Variants in ZNF112 observed in about 807,000 individuals in gnomAD.
ZNF112 encodes the protein zinc finger protein 112.
A neutral mutation model predicts 77.7 loss-of-function variants in ZNF112; 37 were observed. The ratio of observed to expected loss-of-function variants is 0.48; its 90% CI spans 0.37 to 0.63. The LOEUF is 0.63. ZNF112 is among the 20% of genes least tolerant of loss of function. ZNF112 has a pLI of 0.00. For missense variants in ZNF112, 950 were observed against 1,077.4 expected, an observed-to-expected ratio of 0.88 and a Z score of 1.66; for synonymous variants, 333 against 363.6, an observed-to-expected ratio of 0.92 and a Z score of 0.96.
upstream of ZNF112, among the ~76,000 whole-genome samples, chr19:44,358,156 G>GAAAAAA (rs59023124): frequency 2.3e-5 from 3 of 130,392 alleles, no homozygotes; most frequent in Non-Finnish European, 3.2e-5. Flanking sequence ...CGTCTCAAAA[G>GAAAAAA]AAAAAAAAAA....
intron 1 of ZNF112, among the ~76,000 whole-genome samples, chr19:44,345,369 C>T (rs982782778): frequency 5.9e-5 from 9 of 152,178 alleles, no homozygotes; most frequent in East Asian, 1.9e-4. Flanking sequence ...CCCAGATCCC[C>T]ATTTCTCTCT....
chr19:44,349,140 T>G (rs899202108), intron 1 of ZNF112, among the ~76,000 whole-genome samples: 1 of 152,156 alleles, frequency 6.6e-6, no homozygotes, highest in Non-Finnish European at 1.5e-5. Context: ...TGGCTGCTTT[T>G]GCATTACAGC....
intron 1 of ZNF112, among the ~76,000 whole-genome samples, chr19:44,366,791 G>A (rs559736108): frequency 6.5e-4 from 98 of 151,428 alleles, no homozygotes; most frequent in South Asian, 2.1e-4. Context: ...GGGGCTTCTC[G>A]GGAAATTAAA....
chr19:44,329,550 T>TC lies in ZNF112; in HGVS notation c.606_607insG (p.Lys203GlufsTer3). ...GAGAGCCAACTGACACTGTCACACT[T>TC]ACAGAAATGATTTTTCATGGAAATT... is the stretch of plus-strand genomic sequence containing the variant. On this transcript the variant is annotated frameshift_variant, in exon 4 of 4. Coordinates refer to ENST00000354340, the MANE Select transcript of ZNF112 (RefSeq NM_013380.4). LOFTEE classifies it high-confidence loss of function. The TC allele has an allele frequency of 6.2e-7, 1 of 1,614,110 alleles. No homozygotes were observed. The highest frequency in any genetic ancestry group is 8.5e-7 in the Non-Finnish European group (1 of 1,179,996).
intron 2 of ZNF112, among the ~76,000 whole-genome samples, chr19:44,338,125 C>A (rs73555177): frequency 0.068 from 10,340 of 151,908 alleles, 449 homozygotes; most frequent in African/African-American, 0.12. Context: ...CTTAAAGAGG[C>A]CAAACTTGGG....
intron 2 of ZNF112, among the ~76,000 whole-genome samples, chr19:44,339,998 G>A (rs1025405351): frequency 1.3e-5 from 2 of 152,132 alleles, no homozygotes; most frequent in African/African-American, 2.4e-5. Context: ...AGGGTAAAAT[G>A]TTATTAGAGG....
upstream of ZNF112, among the ~76,000 whole-genome samples, chr19:44,358,131 A>G (rs568229869): frequency 1.7e-4 from 24 of 141,286 alleles, no homozygotes; most frequent in Middle Eastern, 3.6e-3. Context: ...CAGCCTGGGC[A>G]ACAGAGCGAG....
chr19:44,362,557 T>C (rs757580838), intron 1 of ZNF112, among the ~76,000 whole-genome samples: 8 of 151,836 alleles, frequency 5.3e-5, no homozygotes, highest in Non-Finnish European at 1.0e-4. Flanking sequence ...TGTGAATCAC[T>C]TCTAAATTCT....
At chr19:44,355,242 T>C (rs1970765536) in intron 1 of ZNF112, among the ~76,000 whole-genome samples, 1 of 152,176 alleles carries the variant, frequency 6.6e-6, no homozygotes, top group Admixed American at 6.5e-5. Flanking sequence ...TGGTTAAACA[T>C]GGGTGAAAAT....
At position 44,327,395 on chromosome 19, in the gene ZNF112, T is replaced by G. The variant is rs1970143257; in HGVS notation, c.*38A>C. On this transcript the variant is annotated 3_prime_UTR_variant, in exon 4 of 4. Coordinates refer to ENST00000354340, the MANE Select transcript of ZNF112 (RefSeq NM_013380.4). ...AAAATTCTTTTTCTACTGAAAGAAC[T>G]CTAGTGACTGGAAAATTTCAGCTCC... 6.6e-7 allele frequency: 1 copy of G among 1,508,284 alleles called. No individual in the cohort carries two copies. Among genetic ancestry groups the G allele is most frequent in the Non-Finnish European group, 8.9e-7 (1 of 1,122,216 alleles). The allele number at this position is 1,508,284 out of a possible 1,614,324, so 93.4% of individuals were successfully genotyped here.
At chr19:44,345,649 C>T (rs1267418459) in intron 1 of ZNF112, among the ~76,000 whole-genome samples, 1 of 152,170 alleles carries the variant, frequency 6.6e-6, no homozygotes, top group African/African-American at 2.4e-5. Flanking sequence ...GATTATGTTC[C>T]TTTCTTGGTT....
intron 1 of ZNF112, among the ~76,000 whole-genome samples, chr19:44,362,167 T>A (rs1190177545): frequency 4.0e-5 from 6 of 151,686 alleles, no homozygotes. Context: ...TAAGAAAGAA[T>A]AAACAATTTA....
In ZNF112 at chr19:44,345,529, A is replaced by C. The variant is rs185266168; in HGVS notation, c.-3-4987T>G. On this transcript the variant is annotated intron_variant, in intron 1 of 3. Coordinates refer to ENST00000354340, the MANE Select transcript of ZNF112 (RefSeq NM_013380.4). ...CAAGCAGGGGGTCACTAATCAGCCA[A>C]GGGACTTTGAGAATTCAAAAGAAAA... 6.1e-3 allele frequency among the ~76,000 whole-genome samples: 932 copies of C among 152,314 alleles called. 9 individuals carry two copies. The highest frequency in any genetic ancestry group is 0.022 in the African/African-American group (899 of 41,574).
chr19:44,329,218 T>C lies in ZNF112; in HGVS notation c.939A>G (p.Lys313=), dbSNP rs776817063. ...CCTCTGTATGCACTCTCTGATAGGA[T>C]TTCAGATGTGAATTCTCAATATCAT... The part of the protein sequence containing the change: ...REDDIENSHL[K]SYQRVHTEEK... Residue 313 remains lysine, a synonymous_variant, in exon 4 of 4, where the codon AAA becomes AAG. Transcript: ENST00000354340. The C allele has an allele frequency of 6.2e-7, 1 of 1,613,886 alleles. No homozygotes were observed. The highest frequency in any genetic ancestry group is 1.1e-5 in the South Asian group (1 of 91,084).
At chr19:44,352,056 C>T (rs1970702529) in intron 1 of ZNF112, among the ~76,000 whole-genome samples, 1 of 151,816 alleles carries the variant, frequency 6.6e-6, no homozygotes, top group African/African-American at 2.4e-5. Flanking sequence ...GGGAGTGAAC[C>T]AGGGGTTTCC....
chr19:44,339,765 T>C (rs1970455023), intron 2 of ZNF112, among the ~76,000 whole-genome samples: 1 of 152,132 alleles, frequency 6.6e-6, no homozygotes, highest in African/African-American at 2.4e-5. Flanking sequence ...CTCTTGGGTC[T>C]TGGGGACTCC....
chr19:44,336,149 C>A (rs560152241), intron 3 of ZNF112, among the ~76,000 whole-genome samples: 1 of 152,264 alleles, frequency 6.6e-6, no homozygotes, highest in African/African-American at 2.4e-5. Context: ...AATGGCTACC[C>A]ATCTATGAAT....
chr19:44,352,321 G>A (rs1375061927), intron 1 of ZNF112, among the ~76,000 whole-genome samples: 1 of 152,104 alleles, frequency 6.6e-6, no homozygotes, highest in East Asian at 1.9e-4. Context: ...GCAATCACCA[G>A]CTCCAGTAAA....
intron 1 of ZNF112, among the ~76,000 whole-genome samples, chr19:44,353,078 A>C (rs956654248): frequency 3.9e-5 from 6 of 152,142 alleles, no homozygotes; most frequent in Non-Finnish European, 7.4e-5. Context: ...TCCAGTCTTA[A>C]GATTTACTAT....
Sources: gnomAD v4.1 joint callset for allele counts (sites outside exome capture counted in the v4.1 genomes callset) on GRCh38, gnomAD v4.1.1 for gene constraint, MANE v1.5 for transcripts, NCBI Gene and HGNC (gene_info 2026-07-23, HGNC 2026-07-21) for gene names.